CCNT2: variants seen among roughly 807,000 people sequenced by gnomAD.
CCNT2 encodes cyclin-T2.
In CCNT2, 18 loss-of-function variants were observed where a neutral mutation model predicts 70.0. The observed-to-expected ratio is 0.26, with a 90% confidence interval of 0.18 to 0.38. The LOEUF is 0.38. CCNT2 is among the 10% of genes least tolerant of loss of function. The probability of loss-of-function intolerance (pLI) is 1.00; values close to 1 mark genes in which losing one functional copy is unlikely to be tolerated. For synonymous variants in CCNT2, 334 were observed against 313.3 expected (o/e 1.07, Z -0.70); for missense variants, 734 against 890.2 (o/e 0.82, Z 2.23).
chr2:134,929,764 C>T (rs1324846338), intron 2 of CCNT2, among the ~76,000 whole-genome samples: 1 of 151,002 alleles, frequency 6.6e-6, no homozygotes, highest in Non-Finnish European at 1.5e-5. Flanking sequence ...ATTCTCCTGC[C>T]TCACCCTCCC....
At chr2:134,931,897 A>T (rs979404762) in intron 2 of CCNT2, among the ~76,000 whole-genome samples, 5 of 151,960 alleles carry the variant, frequency 3.3e-5, no homozygotes, top group South Asian at 2.1e-4. Context: ...TTTAGTATTT[A>T]TTGTAGGCTG....
Position 134,939,077 on chromosome 2 carries a change from C to G in CCNT2, c.430+15C>G, listed in dbSNP as rs1386971643. On this transcript the variant is annotated intron_variant, in intron 4 of 8. Transcript: ENST00000264157. ...ACAAACTCTAGGTACGTACTTACAT[C>G]AGATAATGGCTTTTTGTGTGTATTT... The G allele has an allele frequency of 6.5e-7, 1 of 1,549,582 alleles. No individual in the cohort carries two copies. Among genetic ancestry groups the G allele is most frequent in the Non-Finnish European group, 8.9e-7 (1 of 1,123,820 alleles).
At chr2:134,945,278 C>T (rs45480094) in intron 5 of CCNT2, 1 of 985,154 alleles carries the variant, frequency 1.0e-6, no homozygotes, top group Non-Finnish European at 1.2e-6. Context: ...TAAACTGATC[C>T]TAGGTGAGCA....
At chr2:134,935,825 A>G (rs934906557) in intron 2 of CCNT2, among the ~76,000 whole-genome samples, 3 of 151,990 alleles carry the variant, frequency 2.0e-5, no homozygotes, top group African/African-American at 7.3e-5. Flanking sequence ...AAAAATTGCT[A>G]ATTTATGGAT....
chr2:134,925,035 A>G (rs1680182593), intron 2 of CCNT2, among the ~76,000 whole-genome samples: 1 of 152,176 alleles, frequency 6.6e-6, no homozygotes, highest in Non-Finnish European at 1.5e-5. Context: ...TGATGATTAG[A>G]TCCAGAAACT....
chr2:134,944,891 TA>T, intron 5 of CCNT2: 3 of 985,308 alleles, frequency 3.0e-6, no homozygotes, highest in Non-Finnish European at 3.6e-6. Context: ...TTTTAATTAT[TA>T]TTTTTTCCTT....
Position 134,952,374 on chromosome 2 carries a change from G to A in CCNT2, c.704-267G>A, listed in dbSNP as rs113044664. The stretch of plus-strand genomic sequence containing the variant: ...CTAATGAAGATTTTTTTTTTATTGG[G>A]GGGGTGATTATTTTTAATGCTACTA... On this transcript the variant is annotated intron_variant, in intron 7 of 8. Coordinates refer to ENST00000264157, the MANE Select transcript of CCNT2 (RefSeq NM_058241.3). 0.026 allele frequency among the ~76,000 whole-genome samples: 3,920 copies of A among 150,272 alleles called. 180 individuals are homozygous for A. Among genetic ancestry groups the A allele is most frequent in the African/African-American group, 0.091 (3,659 of 40,338 alleles).
intron 7 of CCNT2, among the ~76,000 whole-genome samples, chr2:134,950,514 A>G (rs142776411): frequency 9.2e-5 from 14 of 152,232 alleles, no homozygotes; most frequent in African/African-American, 3.1e-4. Flanking sequence ...GCGCACTCCT[A>G]TAGACCCAAC....
chr2:134,919,576 GC>G (rs1368657619), intron 1 of CCNT2, among the ~76,000 whole-genome samples: 1 of 152,066 alleles, frequency 6.6e-6, no homozygotes, highest in Non-Finnish European at 1.5e-5. Context: ...TAGTTCCAGG[GC>G]CCTCAGCGCT....
At chr2:134,924,079 T>C (rs1179492388) in intron 2 of CCNT2, among the ~76,000 whole-genome samples, 1 of 152,220 alleles carries the variant, frequency 6.6e-6, no homozygotes, top group Non-Finnish European at 1.5e-5. Flanking sequence ...TTTGCTTTCA[T>C]GTGACTGTGC....
intron 5 of CCNT2, chr2:134,943,166 C>A: frequency 1.2e-6 from 1 of 865,314 alleles, no homozygotes; most frequent in Non-Finnish European, 1.4e-6. Context: ...TTTGGGAGGC[C>A]AAGGCAGGCT....
rs917547734 is a variant in CCNT2 at position 134,957,721 on chromosome 2, G to A, written c.*3073G>A. 2.6e-5 allele frequency: 4 copies of A among 152,264 alleles called. No homozygotes were observed. In the South Asian group the frequency reaches 6.2e-4, roughly 24 times the overall value. 9.4% of individuals were successfully genotyped at this position (152,264 alleles called of 1,614,324 possible). The stretch of plus-strand genomic sequence containing the variant: ...CAAAAAAGTCCTGTTGTCAGCCCTA[G>A]GTTTATCTTTGAAAGCAGTTAAATG... On this transcript the variant is annotated 3_prime_UTR_variant, in exon 9 of 9. Coordinates refer to ENST00000264157, the MANE Select transcript of CCNT2 (RefSeq NM_058241.3).
chr2:134,924,473 G>A (rs1444296257), intron 2 of CCNT2, among the ~76,000 whole-genome samples: 1 of 152,012 alleles, frequency 6.6e-6, no homozygotes, highest in Non-Finnish European at 1.5e-5. Flanking sequence ...TTTTGAGATA[G>A]GAGTCTGGTC....
intron 2 of CCNT2, among the ~76,000 whole-genome samples, chr2:134,929,000 G>A (rs750076752): frequency 3.9e-5 from 6 of 152,100 alleles, no homozygotes; most frequent in Non-Finnish European, 8.8e-5. Flanking sequence ...AACTGTTTGA[G>A]TTGATATGGT....
At chr2:134,947,633 GAT>G (rs1161067894) in intron 6 of CCNT2, 101 bp from the exon 7 acceptor site, 41 of 748,606 alleles carry the variant, frequency 5.5e-5, no homozygotes, top group Non-Finnish European at 7.4e-5. Flanking sequence ...TAGACTTAAA[GAT>G]AGAGTTTAAA....
In CCNT2 at chr2:134,954,646, T is replaced by G. The variant is rs765410703; in HGVS notation, c.2191T>G (p.Ter731GluextTer1). ...SLLSAQGMNM* is the reference protein window; with the variant it reads ...SLLSAQGMNME The stretch of plus-strand genomic sequence containing the variant: ...GTTAAGTGCCCAAGGAATGAACATG[T>G]AATAATTTGTTTAGGTCAATTTTTC... Residue 731 changes from the stop codon to glutamate (E), a stop_lost, in exon 9 of 9, where the codon TAA (stop) becomes GAA (glutamate). Transcript: ENST00000264157. 2 of 1,579,778 alleles carry G rather than the reference T, an allele frequency of 1.3e-6. No individual in the cohort carries two copies. Among genetic ancestry groups the G allele is most frequent in the Non-Finnish European group, 1.7e-6 (2 of 1,155,600 alleles).
At chr2:134,936,772 G>A in intron 2 of CCNT2, 69 bp from the exon 3 acceptor site, 3 of 1,428,426 alleles carry the variant, frequency 2.1e-6, no homozygotes, top group South Asian at 1.3e-5. Flanking sequence ...AAACAGAAAA[G>A]AAAAGAAAAT....
chr2:134,928,437 C>G (rs1176441450), intron 2 of CCNT2, among the ~76,000 whole-genome samples: 1 of 151,942 alleles, frequency 6.6e-6, no homozygotes, highest in Non-Finnish European at 1.5e-5. Context: ...CACCAACACT[C>G]CCGGCTAATT....
chr2:134,944,040 T>C lies in CCNT2; in HGVS notation c.493+1366T>C, dbSNP rs1317478964. 5 of 984,818 alleles carry C rather than the reference T, an allele frequency of 5.1e-6. No homozygotes were observed. The Admixed American group carries it at 3.1e-4, about 61-fold the overall frequency. The allele number at this position is 984,818 out of a possible 1,614,324, so 61.0% of individuals were successfully genotyped here. The stretch of plus-strand genomic sequence containing the variant: ...TTTTAAAAACTGTCTGATAGTGTCA[T>C]TAGGAAGTAGACATCTGAAAATCTA... On this transcript the variant is annotated intron_variant, in intron 5 of 8. Transcript: ENST00000264157.
Sources: allele counts gnomAD v4.1 joint callset (sites outside exome capture counted in the v4.1 genomes callset), GRCh38; gene constraint gnomAD v4.1.1; transcripts MANE v1.5; gene names NCBI Gene and HGNC (gene_info 2026-07-23, HGNC 2026-07-21).